Variants in SNX2 observed in about 807,000 individuals in gnomAD.
The protein encoded by SNX2 is sorting nexin 2.
In SNX2, 25 loss-of-function variants were observed where a neutral mutation model predicts 69.9. The observed-to-expected ratio is 0.36, with a 90% confidence interval of 0.26 to 0.50. The LOEUF is 0.50. Ranked by LOEUF, SNX2 falls within the 20% of genes least tolerant of loss-of-function variation. The pLI is 0.97. For missense variants in SNX2, 551 were observed against 613.3 expected (o/e 0.90, Z 1.07); for synonymous variants, 229 against 200.4 (o/e 1.14, Z -1.20).
intron 3 of SNX2, among the ~76,000 whole-genome samples, chr5:122,800,658 T>A (rs1753485367): frequency 6.6e-6 from 1 of 152,224 alleles, no homozygotes; most frequent in African/African-American, 2.4e-5. Context: ...ATTACAAACG[T>A]GTTCACTTTG....
At chr5:122,806,142 G>GCGCCCGCACACACACACACACACA in intron 6 of SNX2, among the ~76,000 whole-genome samples, 1 of 130,584 alleles carries the variant, frequency 7.7e-6, no homozygotes, top group Non-Finnish European at 1.6e-5. Flanking sequence ...ACACGCGCGC[G>GCGCCCGCACACACACACACACACA]CACACACACA....
chr5:122,793,381 C>T (rs1753288652), intron 1 of SNX2, among the ~76,000 whole-genome samples: 1 of 152,048 alleles, frequency 6.6e-6, no homozygotes, highest in African/African-American at 2.4e-5. Flanking sequence ...AAAATAAGTA[C>T]CATATGGCTC....
chr5:122,779,684 T>C (rs1317765665), intron 1 of SNX2, among the ~76,000 whole-genome samples: 1 of 152,208 alleles, frequency 6.6e-6, no homozygotes, highest in Non-Finnish European at 1.5e-5. Flanking sequence ...ATTTGAAGAG[T>C]TGCCAGACTG....
chr5:122,802,017 A>G, intron 4 of SNX2, 64 bp from the exon 5 acceptor site: 1 of 1,509,138 alleles, frequency 6.6e-7, no homozygotes, highest in Non-Finnish European at 9.2e-7. Context: ...ACATCAATAT[A>G]GTATTAAATG....
At chr5:122,779,849 A>G (rs1752932795) in intron 1 of SNX2, among the ~76,000 whole-genome samples, 2 of 152,236 alleles carry the variant, frequency 1.3e-5, no homozygotes, top group South Asian at 4.2e-4. Flanking sequence ...CCTAGGTATT[A>G]AGCCCAGCAT....
intron 3 of SNX2, among the ~76,000 whole-genome samples, chr5:122,800,509 A>T (rs1319732179): frequency 6.6e-6 from 1 of 152,228 alleles, no homozygotes; most frequent in Middle Eastern, 3.2e-3. Flanking sequence ...AACTTTAAAA[A>T]CAGATAAAAG....
intron 2 of SNX2, among the ~76,000 whole-genome samples, chr5:122,798,595 C>G (rs1454986542): frequency 1.3e-5 from 2 of 152,214 alleles, no homozygotes; most frequent in Non-Finnish European, 2.9e-5. Context: ...TTAGAAACCA[C>G]TGGCCTGGTC....
At chr5:122,794,218 G>A (rs1753321133) in intron 1 of SNX2, among the ~76,000 whole-genome samples, 4 of 152,054 alleles carry the variant, frequency 2.6e-5, no homozygotes, top group Admixed American at 2.6e-4. Context: ...GGCTGAGGCA[G>A]GAGAATCACT....
At chr5:122,824,778 G>A (rs1754116557) in intron 11 of SNX2, among the ~76,000 whole-genome samples, 1 of 151,928 alleles carries the variant, frequency 6.6e-6, no homozygotes, top group South Asian at 2.1e-4. Context: ...TTGCACTTTG[G>A]TATAGAAAGC....
intron 7 of SNX2, 189 bp downstream of exon 7, chr5:122,808,544 G>T (rs75159268): frequency 0.015 from 6,869 of 445,338 alleles, 68 homozygotes; most frequent in Non-Finnish European, 0.019. Flanking sequence ...TAATTGTTCT[G>T]TATAATTTTT....
At chr5:122,827,724 T>G in intron 14 of SNX2, 78 bp downstream of exon 14, 1 of 966,228 alleles carries the variant, frequency 1.0e-6, no homozygotes, top group Non-Finnish European at 1.6e-6. Flanking sequence ...AGATGATTAA[T>G]GAACTGGGCA....
At chr5:122,790,532 A>G (rs115188577) in intron 1 of SNX2, among the ~76,000 whole-genome samples, 2,266 of 152,272 alleles carry the variant, frequency 0.015, 22 homozygotes, top group Non-Finnish European at 0.019. Context: ...ATTTTTCCCA[A>G]TGAGTGGTCA....
chr5:122,801,157 G>T (rs1477179391), intron 3 of SNX2, among the ~76,000 whole-genome samples: 1 of 152,088 alleles, frequency 6.6e-6, no homozygotes, highest in African/African-American at 2.4e-5. Flanking sequence ...GTATTAAAGG[G>T]TAGAGAGAGA....
intron 6 of SNX2, 114 bp downstream of exon 6, chr5:122,803,727 C>A: frequency 1.4e-6 from 1 of 731,846 alleles, no homozygotes; most frequent in Non-Finnish European, 2.2e-6. Flanking sequence ...AATGTGTAGA[C>A]ATAACTGAAT....
intron 1 of SNX2, among the ~76,000 whole-genome samples, chr5:122,776,260 T>C (rs1392311505): frequency 6.6e-6 from 1 of 152,172 alleles, no homozygotes; most frequent in African/African-American, 2.4e-5. Context: ...TGAAATTCAG[T>C]TACCTGAAAC....
intron 1 of SNX2, among the ~76,000 whole-genome samples, chr5:122,780,883 T>C (rs962158466): frequency 6.6e-6 from 1 of 152,202 alleles, no homozygotes; most frequent in Non-Finnish European, 1.5e-5. Context: ...TTCTTAATTC[T>C]GTTTTCTAAT....
At position 122,813,099 on chromosome 5, in the gene SNX2, T is replaced by C. The variant is rs548576861; in HGVS notation, c.723-2797T>C. On this transcript the variant is annotated intron_variant, in intron 7 of 14. Transcript: ENST00000379516. ...TATTTCTGACTTTTTTCAGTGTTTC[T>C]ATTTCTCCCCATACCTCTTTTCCTG... 3.3e-5 allele frequency among the ~76,000 whole-genome samples: 5 copies of C among 152,308 alleles called. No individual in the cohort carries two copies. The South Asian group carries it at 6.2e-4, about 19-fold the overall frequency.
chr5:122,777,181 A>C (rs1313005612), intron 1 of SNX2, among the ~76,000 whole-genome samples: 1 of 152,176 alleles, frequency 6.6e-6, no homozygotes, highest in Non-Finnish European at 1.5e-5. Context: ...GAGTATCCAC[A>C]GTATTCATCT....
intron 1 of SNX2, among the ~76,000 whole-genome samples, chr5:122,786,719 A>G (rs564888370): frequency 1.3e-5 from 2 of 151,978 alleles, no homozygotes; most frequent in East Asian, 3.9e-4. Context: ...GGATCCTTGT[A>G]AGGACGGGCC....
Sources: gnomAD v4.1 joint callset for allele counts (sites outside exome capture counted in the v4.1 genomes callset) on GRCh38, gnomAD v4.1.1 for gene constraint, MANE v1.5 for transcripts, NCBI Gene and HGNC (gene_info 2026-07-23, HGNC 2026-07-21) for gene names.